COL19A1: variants seen among roughly 807,000 people sequenced by gnomAD.
The protein encoded by COL19A1 is collagen type XIX alpha 1 chain.
A neutral mutation model predicts 190.2 loss-of-function variants in COL19A1; 159 were observed. That is an observed-to-expected ratio of 0.84 (90% CI 0.73 to 0.95). The LOEUF is 0.95. Ranked by LOEUF, COL19A1 falls within the 40% of genes least tolerant of loss-of-function variation. The pLI is 0.00. For synonymous variants in COL19A1, 509 were observed against 458.9 expected (o/e 1.11, Z -1.39); for missense variants, 1,418 against 1,431.9 (o/e 0.99, Z 0.16).
intron 4 of COL19A1, among the ~76,000 whole-genome samples, chr6:69,916,427 C>A (rs766134893): frequency 1.3e-5 from 2 of 152,126 alleles, no homozygotes; most frequent in Non-Finnish European, 2.9e-5. Context: ...AGAAAATATT[C>A]CTGATTTTTT....
At chr6:69,870,448 C>A (rs1362262954) in intron 1 of COL19A1, among the ~76,000 whole-genome samples, 1 of 152,198 alleles carries the variant, frequency 6.6e-6, no homozygotes, top group Non-Finnish European at 1.5e-5. Flanking sequence ...ATTTGAGCTA[C>A]ACGTTGAAGG....
intron 17 of COL19A1, among the ~76,000 whole-genome samples, chr6:70,124,700 G>A (rs1785090146): frequency 6.6e-6 from 1 of 152,138 alleles, no homozygotes; most frequent in Non-Finnish European, 1.5e-5. Context: ...AGGCTCACAG[G>A]TATTTAGTCC....
At chr6:70,025,984 A>G (rs547990209) in intron 12 of COL19A1, among the ~76,000 whole-genome samples, 1 of 152,332 alleles carries the variant, frequency 6.6e-6, no homozygotes, top group Non-Finnish European at 1.5e-5. Flanking sequence ...GGAGTGTTCA[A>G]ACAGATTAAT....
intron 14 of COL19A1, among the ~76,000 whole-genome samples, chr6:70,056,547 G>A (rs893916781): frequency 9.9e-5 from 15 of 152,068 alleles, no homozygotes; most frequent in Non-Finnish European, 8.8e-5. Context: ...TCATGATTGA[G>A]CCTTATGATC....
At chr6:69,983,376 A>G (rs1474870844) in intron 11 of COL19A1, among the ~76,000 whole-genome samples, 1 of 152,146 alleles carries the variant, frequency 6.6e-6, no homozygotes, top group East Asian at 1.9e-4. Flanking sequence ...TTGCTTTATT[A>G]ACTAATTAAT....
At chr6:70,090,885 TC>T (rs2150175130) in intron 15 of COL19A1, among the ~76,000 whole-genome samples, 1 of 152,282 alleles carries the variant, frequency 6.6e-6, no homozygotes, top group Non-Finnish European at 1.5e-5. Flanking sequence ...TGTGTTTCTT[TC>T]TATTCCTTGA....
intron 11 of COL19A1, among the ~76,000 whole-genome samples, chr6:69,993,645 G>A (rs573100865): frequency 1.3e-5 from 2 of 152,160 alleles, no homozygotes; most frequent in South Asian, 4.1e-4. Context: ...CTCATTATTG[G>A]TCTGTTCAGG....
chr6:69,945,448 C>T (rs968027210), intron 9 of COL19A1, among the ~76,000 whole-genome samples: 1 of 152,030 alleles, frequency 6.6e-6, no homozygotes, highest in African/African-American at 2.4e-5. Context: ...TGACATTACT[C>T]ATATGCCCAT....
rs1785539853 is a variant in COL19A1, at chr6:70,131,777, A to G, written c.1383+1554A>G. On this transcript the variant is annotated intron_variant, in intron 18 of 50. Transcript: ENST00000620364. Reference sequence around the variant, plus strand: ...TAAATGATGATTCATTTCTTGAAACAAAACAGCTGGGTTCTGTTTTGCTGT... The same window carrying G: ...TAAATGATGATTCATTTCTTGAAACGAAACAGCTGGGTTCTGTTTTGCTGT... 2.6e-5 allele frequency among the ~76,000 whole-genome samples: 4 copies of G among 152,226 alleles called. No individual in the cohort carries two copies. In the South Asian group the frequency reaches 8.3e-4, roughly 32 times the overall value.
Position 69,962,841 on chromosome 6 carries a change from G to A in COL19A1, c.997G>A (p.Glu333Lys). 1 of 1,608,198 alleles carries A rather than the reference G, an allele frequency of 6.2e-7. No individual in the cohort carries two copies. The change falls in exon 11 of 51, where the codon GAA becomes AAA. Residue 333 changes from glutamate to lysine, a missense_variant. By Grantham distance (56) the Glu-to-Lys change is moderately conservative (BLOSUM62 1). Coordinates refer to ENST00000620364, the MANE Select transcript of COL19A1 (RefSeq NM_001858.6). ...FPGQKGEQGFEGSKGETGEKG... is the reference protein window; with the variant it reads ...FPGQKGEQGFKGSKGETGEKG... ...TCTTCTACAGGGAGAGCAAGGTTTT[G>A]AAGGCAGCAAAGGAGAAACTGGTGA...
intron 2 of COL19A1, among the ~76,000 whole-genome samples, chr6:69,887,646 A>G (rs1370991388): frequency 6.6e-6 from 1 of 152,242 alleles, no homozygotes. Context: ...CACAGTATGT[A>G]TTAATGTTGC....
In COL19A1 at chr6:70,156,690, C is replaced by A; in HGVS notation, c.2259C>A (p.Gly753=). 1 of 1,611,706 alleles carries A rather than the reference C, an allele frequency of 6.2e-7. No individual in the cohort carries two copies. Among genetic ancestry groups the A allele is most frequent in the South Asian group, 1.1e-5 (1 of 90,928 alleles). Residue 753 remains glycine, a synonymous_variant, in exon 34 of 51, where the codon GGC becomes GGA. Transcript: ENST00000620364. Reference sequence around the variant, plus strand: ...TTTAGGGAAGCAAAGGAGAGCGGGGCTACCCTGGGATACCTGGGGAGAAAG... The same window carrying A: ...TTTAGGGAAGCAAAGGAGAGCGGGGATACCCTGGGATACCTGGGGAGAAAG... ...EGPKGSKGER[G]YPGIPGEKGD...
chr6:69,944,703 A>T (rs1773684707), intron 9 of COL19A1, among the ~76,000 whole-genome samples: 1 of 152,002 alleles, frequency 6.6e-6, no homozygotes, highest in Admixed American at 6.6e-5. Context: ...ATCTACTATG[A>T]TGGTTTATTA....
At chr6:69,933,148 T>G (rs983646084) in intron 7 of COL19A1, among the ~76,000 whole-genome samples, 12 of 152,092 alleles carry the variant, frequency 7.9e-5, no homozygotes, top group Non-Finnish European at 1.8e-4. Flanking sequence ...GACAGCAGCA[T>G]CATTTCCAGT....
At chr6:69,924,539 T>G (rs1013304618) in intron 4 of COL19A1, among the ~76,000 whole-genome samples, 93 of 152,292 alleles carry the variant, frequency 6.1e-4, no homozygotes, top group African/African-American at 2.2e-3. Flanking sequence ...TCTTTGCTAT[T>G]GTGAATAGTG....
At chr6:70,111,577 TATGGGATTAGTAACAGTTAATA>T (rs1784289016) in intron 16 of COL19A1, among the ~76,000 whole-genome samples, 1 of 152,202 alleles carries the variant, frequency 6.6e-6, no homozygotes, top group African/African-American at 2.4e-5. Flanking sequence ...AAAAACATTC[TATGGGATTAGTAACAGTTAATA>T]TCACTGATTA....
intron 11 of COL19A1, among the ~76,000 whole-genome samples, chr6:69,977,179 A>T (rs879400462): frequency 3.3e-5 from 5 of 152,186 alleles, no homozygotes; most frequent in Non-Finnish European, 5.9e-5. Flanking sequence ...TCCAACAATG[A>T]TAGACTGGAT....
At chr6:70,018,223 T>C (rs181807489) in intron 11 of COL19A1, among the ~76,000 whole-genome samples, 1 of 152,248 alleles carries the variant, frequency 6.6e-6, no homozygotes, top group East Asian at 1.9e-4. Context: ...AGAATGGTTT[T>C]AAAATAAGTG....
intron 7 of COL19A1, among the ~76,000 whole-genome samples, 194 bp downstream of exon 7, chr6:69,933,057 C>T (rs1449170646): frequency 1.3e-5 from 2 of 152,042 alleles, no homozygotes; most frequent in Non-Finnish European, 2.9e-5. Context: ...CAGCATTTCA[C>T]CCTTAATTTT....
Sources: gnomAD v4.1 joint callset for allele counts (sites outside exome capture counted in the v4.1 genomes callset) on GRCh38, gnomAD v4.1.1 for gene constraint, MANE v1.5 for transcripts, NCBI Gene and HGNC (gene_info 2026-07-23, HGNC 2026-07-21) for gene names.